PTPRN2: variants seen among roughly 807,000 people sequenced by gnomAD.
PTPRN2 encodes receptor-type tyrosine-protein phosphatase N2.
A neutral mutation model predicts 118.8 loss-of-function variants in PTPRN2; 74 were observed. The observed-to-expected ratio is 0.62, with a 90% CI of 0.52 to 0.76. The LOEUF is 0.76. Ranked by LOEUF, PTPRN2 falls within the 30% of genes least tolerant of loss-of-function variation. The pLI is 0.00. For synonymous variants in PTPRN2, 641 were observed against 608.0 expected (o/e 1.05, Z -0.80); for missense variants, 1,481 against 1,394.4 (o/e 1.06, Z -0.99).
At position 158,146,613 on chromosome 7, in the gene PTPRN2, C is replaced by A. The variant is rs1406456336; in HGVS notation, c.911-8098G>T. ...GCGGGCGCCTGTAGTCCCAGCTACT[C>A]AGGAGCCTGAGGCAGAAGAATGGTG... On this transcript the variant is annotated intron_variant, in intron 6 of 22. Transcript: ENST00000389418. 4.0e-5 allele frequency among the ~76,000 whole-genome samples: 6 copies of A among 149,336 alleles called. No individual in the cohort carries two copies. The East Asian group carries it at 9.8e-4, about 24-fold the overall frequency.
At chr7:158,454,388 G>A (rs1818312928) in intron 2 of PTPRN2, among the ~76,000 whole-genome samples, 1 of 150,160 alleles carries the variant, frequency 6.7e-6, no homozygotes, top group African/African-American at 2.5e-5. Context: ...ACTGATGTGA[G>A]GATTGGGGAC....
At chr7:157,720,665 G>C (rs998272365) in intron 12 of PTPRN2, among the ~76,000 whole-genome samples, 1 of 152,170 alleles carries the variant, frequency 6.6e-6, no homozygotes, top group African/African-American at 2.4e-5. Context: ...AGGTGCCCTC[G>C]TCTCCATCAA....
chr7:158,420,344 T>C (rs1278115899), intron 2 of PTPRN2, among the ~76,000 whole-genome samples: 3 of 152,166 alleles, frequency 2.0e-5, no homozygotes, highest in Non-Finnish European at 4.4e-5. Flanking sequence ...ACGGGTTACC[T>C]TGGATCTTCT....
At chr7:157,561,799 C>T (rs939825778) in intron 21 of PTPRN2, among the ~76,000 whole-genome samples, 2 of 152,236 alleles carry the variant, frequency 1.3e-5, no homozygotes, top group Admixed American at 1.3e-4. Flanking sequence ...AGACTCCTTA[C>T]CTGTCTCTCG....
intron 3 of PTPRN2, among the ~76,000 whole-genome samples, chr7:158,234,143 G>T (rs920922387): frequency 6.6e-6 from 1 of 151,956 alleles, no homozygotes; most frequent in African/African-American, 2.4e-5. Context: ...AAGCTAAAAG[G>T]CTTCTGCACA....
rs1263633000 is a variant in PTPRN2 at position 157,790,282 on chromosome 7, A to ATC, written c.1789-107346_1789-107345insGA. Among the ~76,000 whole-genome samples the ATC allele has an allele frequency of 2.5e-3, 229 of 91,910 alleles. 1 individual carries two copies. Among genetic ancestry groups the ATC allele is most frequent in the African/African-American group, 9.6e-3 (224 of 23,424 alleles). 60.3% of individuals were successfully genotyped at this position (91,910 alleles called of 152,430 possible). ...TGTGTGTGGTGTTTGTGTGGTGTGA[A>ATC]TGTGTGTGGTGTGTGTATGGTGGTG... On this transcript the variant is annotated intron_variant, in intron 12 of 22. Transcript: ENST00000389418.
intron 2 of PTPRN2, among the ~76,000 whole-genome samples, chr7:158,361,863 C>T (rs913108163): frequency 2.2e-4 from 34 of 152,182 alleles, no homozygotes; most frequent in African/African-American, 6.0e-4. Flanking sequence ...CCAGTCCTCA[C>T]TGTGTCTCTG....
chr7:157,993,653 A>T (rs1417681079), intron 11 of PTPRN2, among the ~76,000 whole-genome samples: 1 of 152,158 alleles, frequency 6.6e-6, no homozygotes, highest in Non-Finnish European at 1.5e-5. Context: ...CTTTCATGCA[A>T]GAGAGGGGCA....
At chr7:157,954,571 G>T (rs1016113715) in intron 11 of PTPRN2, among the ~76,000 whole-genome samples, 1 of 147,748 alleles carries the variant, frequency 6.8e-6, no homozygotes, top group African/African-American at 2.6e-5. Context: ...GTCTATGTGG[G>T]TGGTGCCTGT....
intron 14 of PTPRN2, among the ~76,000 whole-genome samples, chr7:157,641,876 C>T (rs17837788): frequency 0.085 from 12,869 of 152,188 alleles, 958 homozygotes; most frequent in African/African-American, 0.2. Context: ...AGCTACCTGA[C>T]GTCTGGCTCA....
At chr7:157,571,535 G>T in intron 19 of PTPRN2, 42 bp from the exon 20 acceptor site, 2 of 1,459,106 alleles carry the variant, frequency 1.4e-6, no homozygotes, top group Non-Finnish European at 9.5e-7. Flanking sequence ...TGTGTACTAA[G>T]ACTTTGCGTT....
At chr7:158,440,480 A>G (rs930063218) in intron 2 of PTPRN2, among the ~76,000 whole-genome samples, 4 of 146,584 alleles carry the variant, frequency 2.7e-5, no homozygotes, top group Admixed American at 6.7e-5. Flanking sequence ...TGTGGTGGTG[A>G]TGATGGTGGT....
intron 1 of PTPRN2, among the ~76,000 whole-genome samples, chr7:158,521,734 C>G (rs1459381493): frequency 1.5e-4 from 15 of 98,130 alleles, no homozygotes; most frequent in African/African-American, 1.7e-4. Context: ...GTCCACGTCA[C>G]AATGGTGGAC....
chr7:158,549,620 G>A (rs548203498), intron 1 of PTPRN2, among the ~76,000 whole-genome samples: 3 of 152,370 alleles, frequency 2.0e-5, no homozygotes, highest in South Asian at 4.1e-4. Context: ...AGCAGCTGTG[G>A]GCCTGCAGCC....
At chr7:158,255,098 C>T (rs940986146) in intron 3 of PTPRN2, among the ~76,000 whole-genome samples, 3 of 152,186 alleles carry the variant, frequency 2.0e-5, no homozygotes, top group African/African-American at 7.2e-5. Context: ...TTGAGTGACA[C>T]AGAGCAACCC....
chr7:158,512,930 GT>G (rs1268737800), intron 1 of PTPRN2, among the ~76,000 whole-genome samples: 2 of 152,188 alleles, frequency 1.3e-5, no homozygotes, highest in Non-Finnish European at 2.9e-5. Context: ...AACATAAAGT[GT>G]TGAATAAATA....
chr7:157,893,208 C>A lies in PTPRN2; in HGVS notation c.1788+5465G>T, dbSNP rs1027767122. Among the ~76,000 whole-genome samples the A allele has an allele frequency of 6.6e-6, 1 of 152,162 alleles. No individual in the cohort carries two copies. The highest frequency in any genetic ancestry group is 1.5e-5 in the Non-Finnish European group (1 of 68,046). On this transcript the variant is annotated intron_variant, in intron 12 of 22. Coordinates refer to ENST00000389418, the MANE Select transcript of PTPRN2 (RefSeq NM_002847.5). The surrounding 1 kb of genome is among the most constrained non-coding windows in gnomAD (Gnocchi z 4.0). ...CCAGTGGGTGAAATAAACACTCTAG[C>A]GTTTGGTAATTTTCTGTCCCAGGGA...
chr7:157,714,878 C>T (rs550604012), intron 12 of PTPRN2, among the ~76,000 whole-genome samples: 44 of 151,980 alleles, frequency 2.9e-4, no homozygotes, highest in African/African-American at 1.0e-3. Context: ...CTAGGTCTCC[C>T]GCTTTCTGAG....
rs1422301713 is a variant in PTPRN2, at chr7:158,312,157, C to T, written c.277+4662G>A. Among the ~76,000 whole-genome samples, 4 of 152,044 alleles carry T rather than the reference C, an allele frequency of 2.6e-5. 1 individual carries two copies. The highest frequency in any genetic ancestry group is 9.7e-5 in the African/African-American group (4 of 41,410). On this transcript the variant is annotated intron_variant, in intron 3 of 22. Coordinates refer to ENST00000389418, the MANE Select transcript of PTPRN2 (RefSeq NM_002847.5). ...TCACGTGTAGACAGCCACACATGCA[C>T]ACACACCTGCACATGCACTCACATG...
Sources: allele counts gnomAD v4.1 joint callset (sites outside exome capture counted in the v4.1 genomes callset), GRCh38; gene constraint gnomAD v4.1.1; non-coding constraint Gnocchi (gnomAD v3.1); transcripts MANE v1.5; gene names NCBI Gene and HGNC (gene_info 2026-07-23, HGNC 2026-07-21).